RYR2: variants seen among roughly 807,000 people sequenced by gnomAD.
The protein encoded by RYR2 is ryanodine receptor 2.
A neutral mutation model predicts 601.1 loss-of-function variants in RYR2; 227 were observed. The observed-to-expected ratio is 0.38, with a 90% CI of 0.34 to 0.42. The LOEUF (loss-of-function observed/expected upper bound fraction) is 0.42. Among genes scored for constraint, RYR2 ranks in the 10% least tolerant of loss-of-function variants. RYR2 has a pLI of 1.00. For missense variants in RYR2, 4,646 were observed against 6,156.5 expected (o/e 0.75, Z 8.21); for synonymous variants, 2,223 against 2,175.1 (o/e 1.02, Z -0.61).
intron 10 of RYR2, among the ~76,000 whole-genome samples, chr1:237,404,272 T>G (rs1412630738): frequency 6.6e-6 from 1 of 151,992 alleles, no homozygotes; most frequent in Admixed American, 6.6e-5. Context: ...AACAAAAAAT[T>G]ATAGAGAACA....
rs563437247 is a variant in RYR2 at position 237,753,743 on chromosome 1, G to C, written c.11146-2545G>C. Among the ~76,000 whole-genome samples the C allele has an allele frequency of 5.9e-5, 9 of 152,258 alleles. No individual in the cohort carries two copies. In the East Asian group the frequency reaches 1.7e-3, roughly 29 times the overall value. ...AGAGCCTTAGGCAGTTTAAGCAGAA[G>C]CTGCTGTGTCAGAGAACTCTATTCT... On this transcript the variant is annotated intron_variant, in intron 80 of 104. Coordinates refer to ENST00000366574, the MANE Select transcript of RYR2 (RefSeq NM_001035.3).
At chr1:237,422,883 A>T (rs907808343) in intron 11 of RYR2, among the ~76,000 whole-genome samples, 4 of 152,230 alleles carry the variant, frequency 2.6e-5, no homozygotes, top group African/African-American at 9.6e-5. Context: ...ACTTCTTCTT[A>T]CTATAAGCTT....
At chr1:237,472,698 G>A (rs1292780992) in intron 17 of RYR2, among the ~76,000 whole-genome samples, 2 of 151,348 alleles carry the variant, frequency 1.3e-5, no homozygotes, top group Admixed American at 1.3e-4. Context: ...AAAAAAAAGT[G>A]AAGATGAAAG....
intron 27 of RYR2, among the ~76,000 whole-genome samples, chr1:237,558,523 G>T (rs978811148): frequency 6.6e-6 from 1 of 152,096 alleles, no homozygotes; most frequent in African/African-American, 2.4e-5. Context: ...CTTCTCTCTT[G>T]CTGTTTTCAG....
intron 58 of RYR2, among the ~76,000 whole-genome samples, chr1:237,672,900 A>G (rs1451056024): frequency 6.6e-6 from 1 of 152,160 alleles, no homozygotes; most frequent in African/African-American, 2.4e-5. Flanking sequence ...CCTTCCATGT[A>G]TGATAGCACA....
At chr1:237,481,107 CATATAT>C (rs376529507) in intron 17 of RYR2, among the ~76,000 whole-genome samples, 5 of 143,086 alleles carry the variant, frequency 3.5e-5, no homozygotes, top group African/African-American at 7.5e-5. Context: ...TGTATATATA[CATATAT>C]ATATATATAT....
intron 1 of RYR2, among the ~76,000 whole-genome samples, chr1:237,225,016 A>G (rs1284125382): frequency 6.6e-6 from 1 of 152,088 alleles, no homozygotes; most frequent in African/African-American, 2.4e-5. Flanking sequence ...TTTAACCACT[A>G]TGCTGTGTTT....
At chr1:237,626,945 T>C (rs1343749559) in intron 40 of RYR2, among the ~76,000 whole-genome samples, 2 of 152,246 alleles carry the variant, frequency 1.3e-5, no homozygotes, top group East Asian at 3.9e-4. Context: ...AAAATGACAG[T>C]GTGGTTTTCA....
intron 84 of RYR2, among the ~76,000 whole-genome samples, chr1:237,763,446 T>C (rs1343310680): frequency 6.6e-6 from 1 of 152,224 alleles, no homozygotes; most frequent in Non-Finnish European, 1.5e-5. Context: ...ACTGAGTTTT[T>C]CCTCTATTCC....
intron 1 of RYR2, among the ~76,000 whole-genome samples, chr1:237,183,418 A>C (rs565435839): frequency 6.6e-6 from 1 of 152,202 alleles, no homozygotes; most frequent in Non-Finnish European, 1.5e-5. Context: ...CGATTAAATA[A>C]AGGCTATGGG....
chr1:237,801,817 A>G (rs1460195046), intron 97 of RYR2, 39 bp from the exon 98 acceptor site: 1 of 1,339,636 alleles, frequency 7.5e-7, no homozygotes, highest in South Asian at 1.3e-5. Flanking sequence ...TCTTTGGTTA[A>G]TGTGCATAAC....
At chr1:237,705,870 A>G in intron 67 of RYR2, among the ~76,000 whole-genome samples, 1 of 152,224 alleles carries the variant, frequency 6.6e-6, no homozygotes, top group East Asian at 1.9e-4. Context: ...TATAGCAGAA[A>G]GAATGGCCAA....
chr1:237,110,672 G>A (rs547665622), intron 1 of RYR2, among the ~76,000 whole-genome samples: 2 of 152,118 alleles, frequency 1.3e-5, no homozygotes, highest in Admixed American at 1.3e-4. Flanking sequence ...CTCAGGTAGG[G>A]GCACACCTGC....
intron 25 of RYR2, among the ~76,000 whole-genome samples, chr1:237,532,829 G>A (rs1257939007): frequency 6.6e-6 from 1 of 152,062 alleles, no homozygotes; most frequent in Non-Finnish European, 1.5e-5. Context: ...ATTGATAAAG[G>A]CAGTTTTCAC....
rs1177941912 is a variant in RYR2, at chr1:237,127,210, C to T, written c.48+84641C>T. On this transcript the variant is annotated intron_variant, in intron 1 of 104. Transcript: ENST00000366574. ...TTTCTACACAGACAGGGCAACCATC[C>T]GATTTCTCAATCTTTTCCCCACCTT... 4.6e-5 allele frequency among the ~76,000 whole-genome samples: 7 copies of T among 152,276 alleles called. No homozygotes were observed. In the South Asian group the frequency reaches 6.2e-4, roughly 14 times the overall value.
intron 1 of RYR2, among the ~76,000 whole-genome samples, chr1:237,129,367 C>T (rs1395090647): frequency 6.6e-6 from 1 of 152,162 alleles, no homozygotes; most frequent in Non-Finnish European, 1.5e-5. Context: ...TACTTGAAGA[C>T]AGATGTTAGT....
chr1:237,084,093 C>T (rs976110661), intron 1 of RYR2, among the ~76,000 whole-genome samples: 2 of 152,154 alleles, frequency 1.3e-5, no homozygotes, highest in African/African-American at 2.4e-5. Flanking sequence ...GGTCCTCGGT[C>T]CTCCATCATC....
At chr1:237,721,326 C>T (rs1288748634) in intron 73 of RYR2, among the ~76,000 whole-genome samples, 1 of 152,128 alleles carries the variant, frequency 6.6e-6, no homozygotes, top group Non-Finnish European at 1.5e-5. Flanking sequence ...AATCATTTAT[C>T]CCTATACAAA....
rs571843242 is a variant in RYR2 at position 237,214,448 on chromosome 1, G to C, written c.49-56049G>C. ...CATTGCAGAAGGGCATAGAGGACCA[G>C]AGCAGGCATCACATGGAGAGAGGAA... On this transcript the variant is annotated intron_variant, in intron 1 of 104. Transcript: ENST00000366574. 2.6e-5 allele frequency among the ~76,000 whole-genome samples: 4 copies of C among 152,254 alleles called. No individual in the cohort carries two copies. The South Asian group carries it at 8.3e-4, about 32-fold the overall frequency.
Sources: gnomAD v4.1 joint callset for allele counts (sites outside exome capture counted in the v4.1 genomes callset) on GRCh38, gnomAD v4.1.1 for gene constraint, MANE v1.5 for transcripts, NCBI Gene and HGNC (gene_info 2026-07-23, HGNC 2026-07-21) for gene names.